SOS1: variants seen among roughly 807,000 people sequenced by gnomAD.
SOS1 encodes the protein son of sevenless homolog 1.
In SOS1, 25 loss-of-function variants were observed where a neutral mutation model predicts 157.6. That is an observed-to-expected ratio of 0.16 (90% CI 0.12 to 0.22). The LOEUF is 0.22. Among genes scored for constraint, SOS1 ranks in the 10% least tolerant of loss-of-function variants. SOS1 has a pLI of 1.00. For missense variants in SOS1, 1,237 were observed against 1,599.1 expected (o/e 0.77, Z 3.86); for synonymous variants, 528 against 534.0 (o/e 0.99, Z 0.16).
chr2:39,066,093 TCAGGGTAGAAGGACAA>T (rs1671579566), intron 2 of SOS1, among the ~76,000 whole-genome samples: 1 of 152,196 alleles, frequency 6.6e-6, no homozygotes, highest in African/African-American at 2.4e-5. Flanking sequence ...CCCTCAGCCT[TCAGGGTAGAAGGACAA>T]GGCCTGAGGT....
chr2:39,042,949 A>G (rs1008898259), intron 6 of SOS1, among the ~76,000 whole-genome samples: 1 of 152,140 alleles, frequency 6.6e-6, no homozygotes, highest in Non-Finnish European at 1.5e-5. Context: ...TGGGTTTGCT[A>G]TATAGATAAT....
At chr2:39,055,731 A>AT (rs1172594862) in intron 4 of SOS1, among the ~76,000 whole-genome samples, 2 of 152,158 alleles carry the variant, frequency 1.3e-5, no homozygotes, top group African/African-American at 4.8e-5. Flanking sequence ...ATCAGAAAAC[A>AT]TTTTCCTTTC....
At position 38,985,846 on chromosome 2, in the gene SOS1, A is replaced by C. The variant is rs1191984233; in HGVS notation, c.3980T>G (p.Leu1327Trp). 6.2e-7 allele frequency: 1 copy of C among 1,613,830 alleles called. No homozygotes were observed. The highest frequency in any genetic ancestry group is 8.5e-7 in the Non-Finnish European group (1 of 1,179,802). Reference protein sequence around the residue: ...PSMHRDGPPLLENAHSS With the variant: ...PSMHRDGPPLWENAHSS ...AACTCAGGAAGAATGGGCATTCTCC[A>C]ACAGTGGTGGTCCATCTCTGTGCAT... is the stretch of plus-strand genomic sequence containing the variant. Residue 1327 changes from leucine to tryptophan, a missense_variant, in exon 23 of 23, where the codon TTG (leucine) becomes TGG (tryptophan). Coordinates refer to ENST00000402219, the MANE Select transcript of SOS1 (RefSeq NM_005633.4).
intron 1 of SOS1, among the ~76,000 whole-genome samples, chr2:39,096,405 C>G (rs1488697673): frequency 1.3e-5 from 2 of 152,064 alleles, no homozygotes; most frequent in Non-Finnish European, 2.9e-5. Flanking sequence ...GTTTTAAGAC[C>G]AGAATAAAAG....
chr2:39,036,854 T>C (rs1272019364), intron 6 of SOS1, among the ~76,000 whole-genome samples: 2 of 151,654 alleles, frequency 1.3e-5, no homozygotes, highest in Non-Finnish European at 2.9e-5. Flanking sequence ...GGATTACAGG[T>C]GTGAGCCACC....
At chr2:39,086,877 A>G (rs1672395122) in intron 1 of SOS1, among the ~76,000 whole-genome samples, 1 of 151,780 alleles carries the variant, frequency 6.6e-6, no homozygotes, top group African/African-American at 2.4e-5. Context: ...CAGTGGCATG[A>G]TCTTGGCTCA....
chr2:39,019,996 T>C (rs1485863882), intron 10 of SOS1, among the ~76,000 whole-genome samples: 2 of 151,676 alleles, frequency 1.3e-5, no homozygotes, highest in African/African-American at 4.8e-5. Flanking sequence ...TTAACACATA[T>C]AATTAAAAAA....
chr2:39,106,601 AC>A lies in SOS1; in HGVS notation c.87+13734del, dbSNP rs1553370851. Among the ~76,000 whole-genome samples the A allele has an allele frequency of 5.3e-4, 21 of 39,666 alleles. 2 individuals carry two copies. The highest frequency in any genetic ancestry group is 1.1e-3 in the African/African-American group (20 of 18,346). 26.0% of individuals were successfully genotyped at this position (39,666 alleles called of 152,430 possible). A position where few individuals can be genotyped will look rare whatever the true frequency, so the allele number is the denominator to read the frequency against. On this transcript the variant is annotated intron_variant, in intron 1 of 22. Transcript: ENST00000402219. ...GCGAGACTCCGTCTCAAAAAAAAAAACAAAAAAAAAAACAAAACATCTGAGT... is the reference window on the plus strand; with the variant it reads ...GCGAGACTCCGTCTCAAAAAAAAAAAAAAAAAAAAAACAAAACATCTGAGT...
intron 15 of SOS1, among the ~76,000 whole-genome samples, chr2:39,010,120 AGCCTG>A (rs1006739985): frequency 4.6e-5 from 7 of 152,250 alleles, no homozygotes; most frequent in African/African-American, 1.7e-4. Context: ...GTTCAAGACC[AGCCTG>A]GCCAATGTGA....
intron 8 of SOS1, among the ~76,000 whole-genome samples, chr2:39,025,533 T>A (rs1488802462): frequency 2.0e-5 from 3 of 150,972 alleles, no homozygotes; most frequent in African/African-American, 7.3e-5. Context: ...TTTTTTTTTT[T>A]ACTTCTAGTA....
intron 17 of SOS1, among the ~76,000 whole-genome samples, chr2:39,003,819 A>G (rs966378086): frequency 1.3e-5 from 2 of 152,206 alleles, no homozygotes; most frequent in Non-Finnish European, 1.5e-5. Flanking sequence ...TGAAAACACT[A>G]TATAAAGCAG....
intron 14 of SOS1, among the ~76,000 whole-genome samples, 157 bp downstream of exon 14, chr2:39,011,968 TA>T (rs1669487351): frequency 1.3e-5 from 2 of 151,914 alleles, no homozygotes; most frequent in Non-Finnish European, 2.9e-5. Context: ...ACCAGGGGAG[TA>T]AAAGAACAGG....
At chr2:39,094,098 A>G (rs1309397073) in intron 1 of SOS1, among the ~76,000 whole-genome samples, 2 of 152,092 alleles carry the variant, frequency 1.3e-5, no homozygotes, top group East Asian at 1.9e-4. Flanking sequence ...CTATTAAGAG[A>G]TTTGCAAAAA....
chr2:39,070,803 A>G (rs1402668732), intron 1 of SOS1, among the ~76,000 whole-genome samples: 1 of 152,220 alleles, frequency 6.6e-6, no homozygotes, highest in Non-Finnish European at 1.5e-5. Context: ...ACAGATTTAT[A>G]AAACCACAGA....
At chr2:39,110,207 C>A (rs1326166869) in intron 1 of SOS1, among the ~76,000 whole-genome samples, 1 of 152,108 alleles carries the variant, frequency 6.6e-6, no homozygotes, top group African/African-American at 2.4e-5. Context: ...TGCATACAAC[C>A]TGTGCACATC....
chr2:39,018,785 G>A (rs1232707011), intron 10 of SOS1, among the ~76,000 whole-genome samples: 2 of 151,658 alleles, frequency 1.3e-5, no homozygotes, highest in Non-Finnish European at 3.0e-5. Flanking sequence ...CTGTTCATGT[G>A]ATAATTCTCC....
chr2:39,097,279 A>T (rs1007728093), intron 1 of SOS1, among the ~76,000 whole-genome samples: 1 of 152,218 alleles, frequency 6.6e-6, no homozygotes, highest in Non-Finnish European at 1.5e-5. Flanking sequence ...GCTATAAATT[A>T]AAATTTTGTC....
upstream of SOS1, chr2:39,124,097 G>T (rs577408753): frequency 3.7e-3 from 558 of 152,494 alleles, no homozygotes; most frequent in Non-Finnish European, 6.2e-3. Context: ...GAGACCTACA[G>T]GGAGTGCCAG....
rs940871719 is a variant in SOS1 at position 38,989,461 on chromosome 2, C to G, written c.3347-147G>C. The G allele has an allele frequency of 8.4e-6, 5 of 593,038 alleles. No individual in the cohort carries two copies. The African/African-American group carries it at 9.4e-5, about 11-fold the overall frequency. 36.7% of individuals were successfully genotyped at this position (593,038 alleles called of 1,614,324 possible). A position where few individuals can be genotyped will look rare whatever the true frequency, so the allele number is the denominator to read the frequency against. On this transcript the variant is annotated intron_variant, in intron 20 of 22. Coordinates refer to ENST00000402219, the MANE Select transcript of SOS1 (RefSeq NM_005633.4). ...AGTTTATAGTAAAACCTCATTACTA[C>G]TTACTTTTGAGAAGAAAAAAATGAT... is the stretch of plus-strand genomic sequence containing the variant.
Sources: gnomAD v4.1 joint callset for allele counts (sites outside exome capture counted in the v4.1 genomes callset) on GRCh38, gnomAD v4.1.1 for gene constraint, MANE v1.5 for transcripts, NCBI Gene and HGNC (gene_info 2026-07-23, HGNC 2026-07-21) for gene names.